The following AKAP9 variants were observed in gnomAD, a reference collection of about 807,000 sequenced individuals.
AKAP9 encodes the protein A-kinase anchoring protein 9, also known as A-kinase anchor protein 9.
AKAP9 carries 311 observed loss-of-function variants against 488.5 expected under a neutral mutation model. The ratio of observed to expected loss-of-function variants is 0.64; its 90% CI spans 0.58 to 0.70. AKAP9 has a LOEUF of 0.70. Ranked by LOEUF, AKAP9 falls within the 30% of genes least tolerant of loss-of-function variation. AKAP9 has a pLI of 0.00. For missense variants in AKAP9, 4,215 were observed against 4,374.5 expected, an observed-to-expected ratio of 0.96 and a Z score of 1.03; for synonymous variants, 1,462 against 1,483.5, an observed-to-expected ratio of 0.99 and a Z score of 0.33.
intron 18 of AKAP9, 135 bp from the exon 19 acceptor site, chr7:92,041,911 C>A: frequency 1.2e-6 from 1 of 868,772 alleles, no homozygotes; most frequent in Non-Finnish European, 1.8e-6. Context: ...TACTTTTAAC[C>A]CCTTACGATG....
intron 44 of AKAP9, 38 bp downstream of exon 44, chr7:92,099,907 G>A (rs1251566848): frequency 6.3e-7 from 1 of 1,586,252 alleles, no homozygotes; most frequent in Non-Finnish European, 8.7e-7. Flanking sequence ...ATGAGAATTA[G>A]TGCATGCTTA....
intron 14 of AKAP9, among the ~76,000 whole-genome samples, chr7:92,025,769 G>A (rs929762150): frequency 2.0e-5 from 3 of 152,190 alleles, no homozygotes; most frequent in African/African-American, 7.2e-5. Context: ...TTAAGATTGT[G>A]AGGATTAAAT....
At chr7:91,992,037 C>A in intron 3 of AKAP9, 121 bp from the exon 4 acceptor site, 1 of 811,176 alleles carries the variant, frequency 1.2e-6, no homozygotes. Context: ...TCTGTTTTCG[C>A]CAATGATGCA....
In AKAP9 at chr7:92,096,807, T is replaced by C. The variant is rs760274060; in HGVS notation, c.9848T>C (p.Leu3283Pro). The C allele has an allele frequency of 6.2e-7, 1 of 1,614,190 alleles. No homozygotes were observed. Among genetic ancestry groups the C allele is most frequent in the Non-Finnish European group, 8.5e-7 (1 of 1,180,026 alleles). ...SQQKIESQRM[L>P]YDAQLSEEQG... is the part of the protein sequence containing the mutation. ...CAAAAAATAGAATCACAGAGAATGC[T>C]ATATGATGCCCAGTTGTCAGAAGAA... Residue 3283 changes from leucine (L) to proline (P), a missense_variant, in exon 41 of 50, where the codon CTA becomes CCA. Physicochemically the swap from Leu to Pro is moderately conservative, Grantham distance 98. Coordinates refer to ENST00000356239, the MANE Select transcript of AKAP9 (RefSeq NM_005751.5).
At chr7:92,016,351 T>A in intron 11 of AKAP9, 84 bp downstream of exon 11, 2 of 1,015,938 alleles carry the variant, frequency 2.0e-6, no homozygotes, top group Non-Finnish European at 2.8e-6. Flanking sequence ...GATTATGATT[T>A]AATCACCCAG....
intron 16 of AKAP9, among the ~76,000 whole-genome samples, chr7:92,033,865 A>C (rs1382470084): frequency 6.6e-6 from 1 of 152,236 alleles, no homozygotes; most frequent in Non-Finnish European, 1.5e-5. Flanking sequence ...ATTCATTTAC[A>C]TTTCACTGTT....
intron 31 of AKAP9, 21 bp from the exon 32 acceptor site, chr7:92,082,501 T>C (rs1472342856): frequency 3.7e-6 from 6 of 1,612,038 alleles, no homozygotes; most frequent in Non-Finnish European, 5.1e-6. Context: ...ATGTGTTTCT[T>C]GTGTTTCCGC....
chr7:92,110,230 CT>C lies in AKAP9; in HGVS notation c.*75del. ...TTTGTAAATCAATGGTTCTTTTGTGCTTTTGTATTGTGAATATTCAATGGGA... is the reference window on the plus strand; with the variant it reads ...TTTGTAAATCAATGGTTCTTTTGTGCTTTGTATTGTGAATATTCAATGGGA... On this transcript the variant is annotated 3_prime_UTR_variant, in exon 50 of 50. Transcript: ENST00000356239. 2.4e-6 allele frequency: 3 copies of C among 1,253,484 alleles called. No individual in the cohort carries two copies. Among genetic ancestry groups the C allele is most frequent in the Non-Finnish European group, 1.1e-6 (1 of 871,276 alleles). 77.6% of individuals were successfully genotyped at this position (1,253,484 alleles called of 1,614,324 possible).
In AKAP9 at chr7:92,079,799, G is replaced by T; in HGVS notation, c.7666G>T (p.Val2556Phe). The T allele has an allele frequency of 6.2e-7, 1 of 1,614,048 alleles. No individual in the cohort carries two copies. Among genetic ancestry groups the T allele is most frequent in the Non-Finnish European group, 8.5e-7 (1 of 1,180,002 alleles). The change falls in exon 31 of 50, where the codon GTC (valine) becomes TTC (phenylalanine). Residue 2556 changes from valine to phenylalanine, a missense_variant. Val to Phe is a conservative substitution (Grantham distance 50). Transcript: ENST00000356239. ...IVEEKVAAAL[V>F]SQIQLEAVQE... ...TGAAGAAAAAGTGGCTGCTGCTCTT[G>T]TCAGTCAAATCCAACTTGAGGCAGT... is the stretch of plus-strand genomic sequence containing the variant.
rs1475514135 is a variant in AKAP9, at chr7:92,000,617, TTTC to T, written c.931-226_931-224del. Among the ~76,000 whole-genome samples, 4 of 152,320 alleles carry T rather than the reference TTTC, an allele frequency of 2.6e-5. No individual in the cohort carries two copies. In the South Asian group the frequency reaches 6.2e-4, roughly 24 times the overall value. ...TTAATCACAGAAATGTTAAGAGAAA[TTTC>T]TTCTAAGAAGGCCAAAACTACTGTA... On this transcript the variant is annotated intron_variant, in intron 7 of 49. Transcript: ENST00000356239.
At chr7:92,010,617 C>T (rs770586652) in intron 8 of AKAP9, among the ~76,000 whole-genome samples, 1 of 152,206 alleles carries the variant, frequency 6.6e-6, no homozygotes, top group Non-Finnish European at 1.5e-5. Flanking sequence ...CATTGGCTTC[C>T]CAAAGTGCTG....
At chr7:92,005,014 GT>G (rs1448073397) in intron 8 of AKAP9, among the ~76,000 whole-genome samples, 1 of 152,184 alleles carries the variant, frequency 6.6e-6, no homozygotes, top group Non-Finnish European at 1.5e-5. Flanking sequence ...TTTATTGAGA[GT>G]TTTTAGCATG....
At chr7:91,941,476 T>A (rs6465339) in intron 1 of AKAP9, among the ~76,000 whole-genome samples, 83,853 of 152,102 alleles carry the variant, frequency 0.55, 24,205 homozygotes, top group East Asian at 0.8. Flanking sequence ...TTCATTTTTT[T>A]AAGGAGTTTT....
At chr7:92,012,317 C>T in intron 8 of AKAP9, 112 bp from the exon 9 acceptor site, 2 of 960,694 alleles carry the variant, frequency 2.1e-6, no homozygotes, top group Non-Finnish European at 3.1e-6. Flanking sequence ...AATTAGACTT[C>T]AGTTCTCATG....
rs372013250 is a variant in AKAP9, at chr7:92,036,797, A to T, written c.4339-1622A>T. ...GATCACTAGTTACAGAAGGTTAAAAATATGTTTTGTTAAGTTGTATTCTAT... is the reference window on the plus strand; with the variant it reads ...GATCACTAGTTACAGAAGGTTAAAATTATGTTTTGTTAAGTTGTATTCTAT... On this transcript the variant is annotated intron_variant, in intron 16 of 49. Coordinates refer to ENST00000356239, the MANE Select transcript of AKAP9 (RefSeq NM_005751.5). 2.6e-5 allele frequency among the ~76,000 whole-genome samples: 4 copies of T among 152,332 alleles called. 1 individual carries two copies.
intron 9 of AKAP9, among the ~76,000 whole-genome samples, chr7:92,013,085 G>A (rs1470516676): frequency 1.4e-5 from 2 of 139,218 alleles, no homozygotes; most frequent in Admixed American, 1.5e-4. Flanking sequence ...TCCACCTCCC[G>A]GGTTCACGCC....
At chr7:92,067,645 A>G (rs577559614) in intron 26 of AKAP9, among the ~76,000 whole-genome samples, 94 of 152,328 alleles carry the variant, frequency 6.2e-4, no homozygotes, top group Middle Eastern at 3.4e-3. Context: ...TCATAGAAAC[A>G]TAGTCAAAAC....
chr7:92,022,878 A>G lies in AKAP9; in HGVS notation c.4017A>G (p.Gln1339=), dbSNP rs1802527615. 2.5e-6 allele frequency: 4 copies of G among 1,611,602 alleles called. No homozygotes were observed. Among genetic ancestry groups the G allele is most frequent in the Admixed American group, 1.7e-5 (1 of 59,980 alleles). ...QDLEKTKLEE[Q]VQELESLISS... is the part of the protein sequence containing the mutation. Reference sequence around the variant, plus strand: ...TTGAAAAAACTAAACTTGAAGAACAAGTTCAAGAATTAGAAAGCCTCATAT... The same window carrying G: ...TTGAAAAAACTAAACTTGAAGAACAGGTTCAAGAATTAGAAAGCCTCATAT... The change falls in exon 14 of 50, where the codon CAA becomes CAG. Residue 1339 remains glutamine (Q), a synonymous_variant. Coordinates refer to ENST00000356239, the MANE Select transcript of AKAP9 (RefSeq NM_005751.5).
At position 92,076,799 on chromosome 7, in the gene AKAP9, T is replaced by C; in HGVS notation, c.6613-56T>C. 2.8e-6 allele frequency: 3 copies of C among 1,089,108 alleles called. No individual in the cohort carries two copies. The South Asian group carries it at 4.7e-5, about 17-fold the overall frequency. 67.5% of individuals were successfully genotyped at this position (1,089,108 alleles called of 1,614,324 possible). ...AGCTAATATAGCACTCTTCATTTTA[T>C]CTTGATAAACGTTTGTATAAACATT... On this transcript the variant is annotated intron_variant, in intron 28 of 49. Coordinates refer to ENST00000356239, the MANE Select transcript of AKAP9 (RefSeq NM_005751.5).
Sources: allele counts gnomAD v4.1 joint callset (sites outside exome capture counted in the v4.1 genomes callset), GRCh38; gene constraint gnomAD v4.1.1; transcripts MANE v1.5; gene names NCBI Gene and HGNC (gene_info 2026-07-23, HGNC 2026-07-21).